The following PCDHA12 variants were observed in gnomAD, a reference collection of about 807,000 sequenced individuals.
PCDHA12 encodes the protein protocadherin alpha-12.
Under a neutral mutation model 60.0 loss-of-function variants are expected in PCDHA12, and 44 were observed. That is an observed-to-expected ratio of 0.73 (90% confidence interval 0.58 to 0.94). The LOEUF (loss-of-function observed/expected upper bound fraction) is 0.94. Among genes scored for constraint, PCDHA12 ranks in the 40% least tolerant of loss-of-function variants. The pLI, the probability that PCDHA12 is intolerant of heterozygous loss-of-function variation, is 0.00. For synonymous variants in PCDHA12, 569 were observed against 553.0 expected (o/e 1.03, Z -0.40); for missense variants, 1,276 against 1,239.7 (o/e 1.03, Z -0.44).
chr5:140,969,310 T>C, intron 1 of PCDHA12: 2 of 1,614,198 alleles, frequency 1.2e-6, no homozygotes, highest in East Asian at 2.2e-5. Context: ...TTCTCAAAAA[T>C]GAGGCTGTTT....
intron 1 of PCDHA12, among the ~76,000 whole-genome samples, chr5:140,900,355 G>A (rs555553636): frequency 1.4e-4 from 21 of 152,070 alleles, no homozygotes; most frequent in East Asian, 3.9e-4. Flanking sequence ...TTGGCTCACC[G>A]CAACCTCTGC....
At chr5:140,881,277 A>G (rs1370714709) in intron 1 of PCDHA12, 5 of 731,680 alleles carry the variant, frequency 6.8e-6, no homozygotes, top group Non-Finnish European at 8.4e-6. Flanking sequence ...ATGAAGTAAG[A>G]TGGAGAGAGA....
chr5:140,988,423 T>G (rs2097297373), intron 3 of PCDHA12, among the ~76,000 whole-genome samples: 2 of 152,176 alleles, frequency 1.3e-5, no homozygotes. Context: ...GTAAAGAATT[T>G]GTTTGTTTTG....
intron 1 of PCDHA12, among the ~76,000 whole-genome samples, chr5:140,961,980 T>C (rs909552255): frequency 6.6e-6 from 1 of 151,768 alleles, no homozygotes; most frequent in Non-Finnish European, 1.5e-5. Context: ...GCCTCCTGGG[T>C]TCACGCCATT....
intron 1 of PCDHA12, chr5:140,926,635 C>A: frequency 2.3e-6 from 1 of 442,720 alleles, no homozygotes; most frequent in Non-Finnish European, 3.8e-6. Context: ...CTGCGCTCCT[C>A]AACACCCGGC....
intron 1 of PCDHA12, among the ~76,000 whole-genome samples, chr5:140,957,575 T>C (rs1437290620): frequency 6.6e-6 from 1 of 152,152 alleles, no homozygotes; most frequent in African/African-American, 2.4e-5. Flanking sequence ...ACTACTGTAC[T>C]TTTAACAAAG....
intron 1 of PCDHA12, chr5:140,930,019 T>G (rs1454076883): frequency 6.6e-6 from 1 of 152,222 alleles, no homozygotes; most frequent in Non-Finnish European, 1.5e-5. Context: ...GATAGCTCCA[T>G]AGCAGTGTTT....
At chr5:140,983,583 CT>C (rs2153831802) in intron 3 of PCDHA12, among the ~76,000 whole-genome samples, 1 of 152,306 alleles carries the variant, frequency 6.6e-6, no homozygotes, top group African/African-American at 2.4e-5. Context: ...TTTATTACAT[CT>C]ATTCTACATA....
chr5:140,987,999 C>T (rs543796200), intron 3 of PCDHA12, among the ~76,000 whole-genome samples: 3 of 152,292 alleles, frequency 2.0e-5, no homozygotes, highest in African/African-American at 7.2e-5. Context: ...TCTGATCCTT[C>T]CCCAGAAAGA....
At chr5:140,911,271 C>G (rs2075400243) in intron 1 of PCDHA12, among the ~76,000 whole-genome samples, 1 of 152,072 alleles carries the variant, frequency 6.6e-6, no homozygotes, top group Non-Finnish European at 1.5e-5. Flanking sequence ...TCTCAGTGTC[C>G]CCAGCTTCAT....
At chr5:140,944,354 A>G (rs2093646021) in intron 1 of PCDHA12, among the ~76,000 whole-genome samples, 1 of 151,968 alleles carries the variant, frequency 6.6e-6, no homozygotes, top group South Asian at 2.1e-4. Flanking sequence ...CACCTGGCTA[A>G]TTTTTAATTT....
rs2094433165 is a variant in PCDHA12, at chr5:140,949,923, G to T, written c.2368-29026G>T. Among the ~76,000 whole-genome samples the T allele has an allele frequency of 2.7e-5, 4 of 150,516 alleles. No homozygotes were observed. In the South Asian group the frequency reaches 8.3e-4, roughly 31 times the overall value. On this transcript the variant is annotated intron_variant, in intron 1 of 3. Coordinates refer to ENST00000398631, the MANE Select transcript of PCDHA12 (RefSeq NM_018903.4). Reference sequence around the variant, plus strand: ...TAATTTTTAGATATAACTATTTTTAGATTTTTTTTAATTTGCATTTTTTAG... The same window carrying T: ...TAATTTTTAGATATAACTATTTTTATATTTTTTTTAATTTGCATTTTTTAG...
intron 3 of PCDHA12, among the ~76,000 whole-genome samples, chr5:140,999,867 C>A (rs1269782566): frequency 1.3e-5 from 2 of 152,190 alleles, no homozygotes; most frequent in African/African-American, 4.8e-5. Context: ...TCCAAGATTA[C>A]TGAAAATTAG....
chr5:140,944,984 T>A (rs972607288), intron 1 of PCDHA12, among the ~76,000 whole-genome samples: 6 of 152,184 alleles, frequency 3.9e-5, no homozygotes, highest in Non-Finnish European at 8.8e-5. Context: ...GTGGGTCTAC[T>A]TCTGTAACGG....
At chr5:140,901,927 A>C (rs2068986448) in intron 1 of PCDHA12, among the ~76,000 whole-genome samples, 1 of 151,764 alleles carries the variant, frequency 6.6e-6, no homozygotes. Context: ...TCTTTGGTTA[A>C]TTCCTAGGTA....
chr5:140,926,212 T>G (rs1261895253), intron 1 of PCDHA12, among the ~76,000 whole-genome samples: 2 of 152,204 alleles, frequency 1.3e-5, no homozygotes, highest in Non-Finnish European at 2.9e-5. Context: ...GGGCTCCTGT[T>G]TCCTTAAGCC....
intron 3 of PCDHA12, among the ~76,000 whole-genome samples, chr5:141,002,682 G>T (rs536105955): frequency 6.6e-6 from 1 of 152,140 alleles, no homozygotes; most frequent in Non-Finnish European, 1.5e-5. Flanking sequence ...CCTATACGAC[G>T]TGCAGATTTG....
chr5:140,946,294 A>G (rs529202868), intron 1 of PCDHA12, among the ~76,000 whole-genome samples: 1 of 152,056 alleles, frequency 6.6e-6, no homozygotes, highest in Admixed American at 6.5e-5. Flanking sequence ...ATCACCTCAC[A>G]CCTGGTAGAA....
chr5:141,006,177 AAG>A (rs2098258661), intron 3 of PCDHA12, among the ~76,000 whole-genome samples: 2 of 151,826 alleles, frequency 1.3e-5, no homozygotes, highest in African/African-American at 4.8e-5. Context: ...ATATTTTTAA[AAG>A]AGTTTGCTAT....
Sources: allele counts gnomAD v4.1 joint callset (sites outside exome capture counted in the v4.1 genomes callset), GRCh38; gene constraint gnomAD v4.1.1; transcripts MANE v1.5; gene names NCBI Gene and HGNC (gene_info 2026-07-23, HGNC 2026-07-21).